Variants in C1orf167 observed in about 807,000 individuals in gnomAD.
C1orf167 encodes the protein uncharacterized protein C1orf167.
Under a neutral mutation model 176.5 loss-of-function variants are expected in C1orf167, and 153 were observed. The observed-to-expected ratio is 0.87, with a 90% CI of 0.76 to 0.99. C1orf167 has a LOEUF of 0.99. C1orf167 is among the 50% of genes least tolerant of loss of function. The probability of loss-of-function intolerance (pLI) is 0.00; values close to 1 mark genes in which losing one functional copy is unlikely to be tolerated. For synonymous variants in C1orf167, 594 were observed against 752.7 expected, an observed-to-expected ratio of 0.79 and a Z score of 3.45; for missense variants, 1,490 against 1,817.7, an observed-to-expected ratio of 0.82 and a Z score of 3.28.
Position 11,788,332 on chromosome 1 carries a change from A to G in C1orf167, c.4032A>G (p.Ala1344=), listed in dbSNP as rs952924708. 7.7e-7 allele frequency: 1 copy of G among 1,301,372 alleles called. No homozygotes were observed. The highest frequency in any genetic ancestry group is 1.5e-5 in the African/African-American group (1 of 65,738). The allele number at this position is 1,301,372 out of a possible 1,614,324, so 80.6% of individuals were successfully genotyped here. Residue 1344 remains alanine (A), a synonymous_variant, in exon 19 of 21, where the codon GCA becomes GCG. Coordinates refer to ENST00000688073, the MANE Select transcript of C1orf167 (RefSeq NM_001010881.2). ...GCCAGGTGCCTGGCAGTGGCATGGCAGCACTGGGTGGATGCCCAAGGGGCA... is the reference window on the plus strand; with the variant it reads ...GCCAGGTGCCTGGCAGTGGCATGGCGGCACTGGGTGGATGCCCAAGGGGCA... ...PAGQVPGSGM[A]ALGGCPRGRA...
rs777756194 is a variant in C1orf167 at position 11,784,394 on chromosome 1, CAGA to C, written c.3232_3234del (p.Lys1078del). Reference sequence around the variant, plus strand: ...GCAGCAAGGCCAGGAAGATGGGCAGCAGAAGAAGGCCCGGGCCCCACAGGCCTT... The same window carrying C: ...GCAGCAAGGCCAGGAAGATGGGCAGCAGAAGGCCCGGGCCCCACAGGCCTT... On this transcript the variant is annotated inframe_deletion, in exon 15 of 21. Transcript: ENST00000688073. 1.9e-5 allele frequency: 25 copies of C among 1,303,942 alleles called. No homozygotes were observed. Among genetic ancestry groups the C allele is most frequent in the Middle Eastern group, 2.2e-4 (1 of 4,636 alleles). 80.8% of individuals were successfully genotyped at this position (1,303,942 alleles called of 1,614,324 possible).
rs1236175569 is a variant in C1orf167, at chr1:11,788,760, C to G, written c.4173+14C>G. 1 of 1,303,328 alleles carries G rather than the reference C, an allele frequency of 7.7e-7. No individual in the cohort carries two copies. 80.7% of individuals were successfully genotyped at this position (1,303,328 alleles called of 1,614,324 possible). ...GCAGGAAGATGGGTGGGTCCTTTCC[C>G]AGGTACTGCCCTCTTCCCTGCATTC... is the stretch of plus-strand genomic sequence containing the variant. On this transcript the variant is annotated intron_variant, in intron 20 of 20. Coordinates refer to ENST00000688073, the MANE Select transcript of C1orf167 (RefSeq NM_001010881.2).
chr1:11,787,825 C>T, intron 17 of C1orf167, 48 bp from the exon 18 acceptor site: 1 of 1,185,424 alleles, frequency 8.4e-7, no homozygotes, highest in Non-Finnish European at 1.1e-6. Context: ...AGAGCAGCTG[C>T]CTTCCTGGAC....
In C1orf167 at chr1:11,787,425, C is replaced by G. The variant is rs1235518781; in HGVS notation, c.3605C>G (p.Pro1202Arg). 7.7e-7 allele frequency: 1 copy of G among 1,303,118 alleles called. No homozygotes were observed. The highest frequency in any genetic ancestry group is 1.0e-6 in the Non-Finnish European group (1 of 988,594). 80.7% of individuals were successfully genotyped at this position (1,303,118 alleles called of 1,614,324 possible). A position where few individuals can be genotyped will look rare whatever the true frequency, so the allele number is the denominator to read the frequency against. Residue 1202 changes from proline to arginine, a missense_variant, in exon 17 of 21, where the codon CCT (proline) becomes CGT (arginine). Coordinates refer to ENST00000688073, the MANE Select transcript of C1orf167 (RefSeq NM_001010881.2). ...SCWTQATELVPPAPSLQCSLG... is the reference protein window; with the variant it reads ...SCWTQATELVRPAPSLQCSLG... The stretch of plus-strand genomic sequence containing the variant: ...TGGACACAGGCCACAGAGCTGGTGC[C>G]TCCCGCGCCATCACTGCAGTGCAGC...
chr1:11,767,906 G>T (rs1018535841), intron 4 of C1orf167, among the ~76,000 whole-genome samples, 171 bp from the exon 5 acceptor site: 1 of 152,158 alleles, frequency 6.6e-6, no homozygotes, highest in Non-Finnish European at 1.5e-5. Context: ...TCCAAGTCCA[G>T]CCATCAGTAA....
Position 11,784,457 on chromosome 1 carries a change from G to A in C1orf167, c.3289G>A (p.Glu1097Lys), listed in dbSNP as rs1331213136. 1 of 1,303,466 alleles carries A rather than the reference G, an allele frequency of 7.7e-7. No homozygotes were observed. The highest frequency in any genetic ancestry group is 1.0e-6 in the Non-Finnish European group (1 of 988,840). The allele number at this position is 1,303,466 out of a possible 1,614,324, so 80.7% of individuals were successfully genotyped here. A position where few individuals can be genotyped will look rare whatever the true frequency, so the allele number is the denominator to read the frequency against. Residue 1097 changes from glutamate to lysine, a missense_variant, in exon 15 of 21, where the codon GAG (glutamate) becomes AAG (lysine). Coordinates refer to ENST00000688073, the MANE Select transcript of C1orf167 (RefSeq NM_001010881.2). The stretch of plus-strand genomic sequence containing the variant: ...GCCAGTGGCCCCGGGCATGCACCAT[G>A]AGGCCCAGCAGCAGGCAGGAGAGAG... ...AWPVAPGMHH[E>K]AQQQAGESAG...
In C1orf167 at chr1:11,789,584, T is replaced by C. The variant is rs1644023052; in HGVS notation, c.*138T>C. ...GACAATAAAACCCACTCCTCAGTCC[T>C]AGCTGCTGCTTTCAGTCTCTCCTAG... On this transcript the variant is annotated 3_prime_UTR_variant, in exon 21 of 21. Coordinates refer to ENST00000688073, the MANE Select transcript of C1orf167 (RefSeq NM_001010881.2). 7.6e-6 allele frequency: 6 copies of C among 787,452 alleles called. No individual in the cohort carries two copies. In the East Asian group the frequency reaches 2.0e-4, roughly 26 times the overall value. The allele number at this position is 787,452 out of a possible 1,614,324, so 48.8% of individuals were successfully genotyped here. A position where few individuals can be genotyped will look rare whatever the true frequency, so the allele number is the denominator to read the frequency against.
At chr1:11,774,995 G>A (rs535517854) in intron 8 of C1orf167, among the ~76,000 whole-genome samples, 8 of 152,228 alleles carry the variant, frequency 5.3e-5, no homozygotes, top group African/African-American at 1.9e-4. Flanking sequence ...ATGAGAAAAC[G>A]GAGGCTTGGC....
Position 11,785,384 on chromosome 1 carries a change from T to C in C1orf167, c.3567+95T>C, listed in dbSNP as rs527667484. 1.9e-4 allele frequency: 216 copies of C among 1,157,386 alleles called. 1 individual carries two copies. Among genetic ancestry groups the C allele is most frequent in the Middle Eastern group, 8.8e-4 (3 of 3,396 alleles). 71.7% of individuals were successfully genotyped at this position (1,157,386 alleles called of 1,614,324 possible). The stretch of plus-strand genomic sequence containing the variant: ...GACGCCCCAGCCCCTTGGAAACAGG[T>C]GAAGGGAGCCTAGGCAGGGCGGGAG... On this transcript the variant is annotated intron_variant, in intron 16 of 20. Coordinates refer to ENST00000688073, the MANE Select transcript of C1orf167 (RefSeq NM_001010881.2).
At chr1:11,763,043 G>A (rs773725576) in intron 1 of C1orf167, among the ~76,000 whole-genome samples, 1 of 152,176 alleles carries the variant, frequency 6.6e-6, no homozygotes, top group East Asian at 1.9e-4. Flanking sequence ...AGGTGAGGTC[G>A]TGTGTGCCAT....
intron 2 of C1orf167, among the ~76,000 whole-genome samples, chr1:11,764,955 G>A (rs1642712524): frequency 6.6e-6 from 1 of 151,022 alleles, no homozygotes; most frequent in Non-Finnish European, 1.5e-5. Flanking sequence ...TCGGGAGGCT[G>A]CAGCAGGAGA....
rs897790582 is a variant in C1orf167, at chr1:11,767,002, G to T, written c.1216G>T (p.Ala406Ser). Residue 406 changes from alanine to serine, a missense_variant, in exon 3 of 21, where the codon GCC becomes TCC. By Grantham distance (99) the Ala-to-Ser change is moderately conservative. Transcript: ENST00000688073. Reference sequence around the variant, plus strand: ...ACCCAAGCAGAAAGGAGAGGAGGGGGCCCCGAGGGAGCGGGTCCACAGGGA... The same window carrying T: ...ACCCAAGCAGAAAGGAGAGGAGGGGTCCCCGAGGGAGCGGGTCCACAGGGA... ...VSPKQKGEEG[A>S]PRERVHREEE... is the part of the protein sequence containing the mutation. 6 of 1,209,876 alleles carry T rather than the reference G, an allele frequency of 5.0e-6. No individual in the cohort carries two copies. The African/African-American group carries it at 7.9e-5, about 16-fold the overall frequency. The allele number at this position is 1,209,876 out of a possible 1,614,324, so 74.9% of individuals were successfully genotyped here.
At chr1:11,775,283 C>A (rs1056344202) in intron 8 of C1orf167, among the ~76,000 whole-genome samples, 152 bp from the exon 9 acceptor site, 2 of 152,108 alleles carry the variant, frequency 1.3e-5, no homozygotes, top group African/African-American at 4.8e-5. Flanking sequence ...AGTGAAACTC[C>A]GTCTACAAAC....
At chr1:11,774,482 C>G (rs1643220327) in intron 8 of C1orf167, among the ~76,000 whole-genome samples, 1 of 152,168 alleles carries the variant, frequency 6.6e-6, no homozygotes, top group Non-Finnish European at 1.5e-5. Flanking sequence ...GTGTAGTTTT[C>G]TGTGAGAATT....
intron 7 of C1orf167, 102 bp from the exon 8 acceptor site, chr1:11,771,980 G>A (rs1643102676): frequency 1.1e-6 from 1 of 878,568 alleles, no homozygotes; most frequent in East Asian, 6.5e-5. Flanking sequence ...AGAGATGGGG[G>A]GTGCCCTGCG....
intron 8 of C1orf167, among the ~76,000 whole-genome samples, chr1:11,772,904 A>ATTATTATTATTATTATTATTATTATTGTT (rs56228938): frequency 6.8e-6 from 1 of 146,426 alleles, no homozygotes; most frequent in South Asian, 2.2e-4. Flanking sequence ...CATTATTATT[A>ATTATTATTATTATTATTATTATTATTGTT]TTATTATTAT....
At position 11,785,205 on chromosome 1, in the gene C1orf167, C is replaced by A; in HGVS notation, c.3483C>A (p.Leu1161=). Reference sequence around the variant, plus strand: ...GCGGCGGTGTCCAGCGAGCCATCCTCACCCAGCTCCGGCCGGCTGAGCTCA... The same window carrying A: ...GCGGCGGTGTCCAGCGAGCCATCCTAACCCAGCTCCGGCCGGCTGAGCTCA... The part of the protein sequence containing the change: ...AVRGGVQRAI[L]TQLRPAELRR... The change falls in exon 16 of 21, where the codon CTC becomes CTA. Residue 1161 remains leucine (L), a synonymous_variant. Transcript: ENST00000688073. 7.7e-7 allele frequency: 1 copy of A among 1,291,812 alleles called. No individual in the cohort carries two copies. The highest frequency in any genetic ancestry group is 1.0e-6 in the Non-Finnish European group (1 of 988,814). The allele number at this position is 1,291,812 out of a possible 1,614,324, so 80.0% of individuals were successfully genotyped here.
At chr1:11,784,026 T>G in intron 14 of C1orf167, 148 bp from the exon 15 acceptor site, 1 of 649,320 alleles carries the variant, frequency 1.5e-6, no homozygotes, top group Non-Finnish European at 2.2e-6. Flanking sequence ...CCTGGCTAAT[T>G]TTTGTATTTT....
Position 11,784,472 on chromosome 1 carries a change from G to T in C1orf167, c.3304G>T (p.Ala1102Ser), listed in dbSNP as rs771965733. 1.5e-6 allele frequency: 2 copies of T among 1,303,356 alleles called. No homozygotes were observed. The highest frequency in any genetic ancestry group is 2.0e-6 in the Non-Finnish European group (2 of 988,912). The allele number at this position is 1,303,356 out of a possible 1,614,324, so 80.7% of individuals were successfully genotyped here. A position where few individuals can be genotyped will look rare whatever the true frequency, so the allele number is the denominator to read the frequency against. The change falls in exon 15 of 21, where the codon GCA becomes TCA. Residue 1102 changes from alanine to serine, a missense_variant. By Grantham distance (99) the Ala-to-Ser change is moderately conservative. Transcript: ENST00000688073. Reference sequence around the variant, plus strand: ...CATGCACCATGAGGCCCAGCAGCAGGCAGGAGAGAGCGCTGGGGCCCAGGC... The same window carrying T: ...CATGCACCATGAGGCCCAGCAGCAGTCAGGAGAGAGCGCTGGGGCCCAGGC... The part of the protein sequence containing the change: ...PGMHHEAQQQ[A>S]GESAGAQAAQ...
Sources: gnomAD v4.1 joint callset for allele counts (sites outside exome capture counted in the v4.1 genomes callset) on GRCh38, gnomAD v4.1.1 for gene constraint, MANE v1.5 for transcripts, NCBI Gene and HGNC (gene_info 2026-07-23, HGNC 2026-07-21) for gene names.